The following CUL4A variants were observed in gnomAD, a reference collection of about 807,000 sequenced individuals.
CUL4A encodes cullin 4A.
In CUL4A, 16 loss-of-function variants were observed where a neutral mutation model predicts 95.5. The ratio of observed to expected loss-of-function variants is 0.17; its 90% CI spans 0.11 to 0.25. The LOEUF (loss-of-function observed/expected upper bound fraction) is 0.25. Ranked by LOEUF, CUL4A falls within the 10% of genes least tolerant of loss-of-function variation. The pLI, the probability that CUL4A is intolerant of heterozygous loss-of-function variation, is 1.00. For missense variants in CUL4A, 610 were observed against 937.0 expected (o/e 0.65, Z 4.56); for synonymous variants, 380 against 353.1 (o/e 1.08, Z -0.85).
At chr13:113,221,850 A>G (rs555282076) in intron 3 of CUL4A, among the ~76,000 whole-genome samples, 1 of 152,322 alleles carries the variant, frequency 6.6e-6, no homozygotes, top group Non-Finnish European at 1.5e-5. Context: ...TGCTGGGATT[A>G]CAGGCGTGAG....
rs868298186 is a variant in CUL4A at position 113,263,570 on chromosome 13, C to T, written c.2268C>T (p.His756=). The T allele has an allele frequency of 7.6e-6, 12 of 1,589,012 alleles. No individual in the cohort carries two copies. Among genetic ancestry groups the T allele is most frequent in the South Asian group, 5.7e-5 (5 of 87,706 alleles). Residue 756 remains histidine, a synonymous_variant, in exon 20 of 20, where the codon CAC becomes CAT. Coordinates refer to ENST00000375440, the MANE Select transcript of CUL4A (RefSeq NM_001008895.4). The part of the protein sequence containing the change: ...ERDKDNPNQY[H]YVA ...ACAAAGACAATCCGAATCAGTACCACTACGTGGCCTGACGCATCTGCAGAC... is the reference window on the plus strand; with the variant it reads ...ACAAAGACAATCCGAATCAGTACCATTACGTGGCCTGACGCATCTGCAGAC...
Position 113,220,457 on chromosome 13 carries a change from C to T in CUL4A, c.368+1409C>T, listed in dbSNP as rs78958760. ...TTATCTCAGGAGGCGCCTGTGAGGG[C>T]GCACAGAAGCAGGCCCCGCCCCAGT... On this transcript the variant is annotated intron_variant, in intron 3 of 19. Coordinates refer to ENST00000375440, the MANE Select transcript of CUL4A (RefSeq NM_001008895.4). Among the ~76,000 whole-genome samples, 49 of 152,318 alleles carry T rather than the reference C, an allele frequency of 3.2e-4. No individual in the cohort carries two copies. The East Asian group carries it at 8.1e-3, about 25-fold the overall frequency.
At chr13:113,208,633 A>C (rs372247269), upstream of CUL4A, 8 of 1,607,092 alleles carry the variant, frequency 5.0e-6, no homozygotes, top group Non-Finnish European at 6.8e-6. Context: ...AATGTGCGCC[A>C]TGGGAGCGCC....
Position 113,210,449 on chromosome 13 carries a change from TTTCTC to T in CUL4A, c.264+363_264+367del, listed in dbSNP as rs369394230. 6.4e-3 allele frequency among the ~76,000 whole-genome samples: 973 copies of T among 152,356 alleles called. 16 individuals are homozygous for T. The highest frequency in any genetic ancestry group is 0.022 in the African/African-American group (935 of 41,578). ...ACTTGCCACAGTAATAAGAGGGTCTTTTCTCTGTTGTGTTTTGTGATTAATGGTTG... is the reference window on the plus strand; with the variant it reads ...ACTTGCCACAGTAATAAGAGGGTCTTTGTTGTGTTTTGTGATTAATGGTTG... On this transcript the variant is annotated intron_variant, in intron 2 of 19. Transcript: ENST00000375440.
intron 4 of CUL4A, among the ~76,000 whole-genome samples, chr13:113,228,452 T>C (rs1418998424): frequency 6.6e-6 from 1 of 152,202 alleles, no homozygotes; most frequent in Non-Finnish European, 1.5e-5. Context: ...TGGCCGTTAA[T>C]TACTTAAGTG....
intron 3 of CUL4A, among the ~76,000 whole-genome samples, chr13:113,221,499 T>C (rs2040895642): frequency 6.6e-6 from 1 of 152,222 alleles, no homozygotes; most frequent in South Asian, 2.1e-4. Flanking sequence ...TAAACCCGAA[T>C]GGCGGTGGCA....
intron 15 of CUL4A, among the ~76,000 whole-genome samples, chr13:113,249,320 A>G (rs1055089842): frequency 1.3e-5 from 2 of 151,812 alleles, no homozygotes; most frequent in African/African-American, 4.8e-5. Flanking sequence ...ATGCTGTGCC[A>G]TACATCAGCG....
chr13:113,229,614 G>A, intron 5 of CUL4A, 95 bp downstream of exon 5: 1 of 984,260 alleles, frequency 1.0e-6, no homozygotes, highest in East Asian at 2.6e-5. Flanking sequence ...TAAAGTGTGT[G>A]TGATTACTTG....
intron 15 of CUL4A, among the ~76,000 whole-genome samples, chr13:113,249,330 G>A (rs2041934426): frequency 1.3e-5 from 2 of 150,128 alleles, no homozygotes; most frequent in Non-Finnish European, 2.9e-5. Context: ...ATACATCAGC[G>A]CTTTATTCCA....
chr13:113,242,098 T>G (rs2041730320), intron 10 of CUL4A, among the ~76,000 whole-genome samples: 1 of 152,030 alleles, frequency 6.6e-6, no homozygotes, highest in Non-Finnish European at 1.5e-5. Flanking sequence ...AGGCAGATCA[T>G]GAAGTCAAGA....
At chr13:113,240,187 C>T (rs2041667069) in intron 10 of CUL4A, among the ~76,000 whole-genome samples, 1 of 152,070 alleles carries the variant, frequency 6.6e-6, no homozygotes, top group African/African-American at 2.4e-5. Context: ...AGGGCACCAC[C>T]CCACCAAGGG....
chr13:113,217,164 T>C (rs2040724808), intron 2 of CUL4A, among the ~76,000 whole-genome samples: 1 of 152,310 alleles, frequency 6.6e-6, no homozygotes, highest in South Asian at 2.1e-4. Flanking sequence ...ATTTTCTTCA[T>C]GTGTTATATA....
chr13:113,235,829 G>A (rs1366583761), intron 8 of CUL4A, among the ~76,000 whole-genome samples: 1 of 152,126 alleles, frequency 6.6e-6, no homozygotes, highest in Non-Finnish European at 1.5e-5. Context: ...AAATTAGCCG[G>A]GCGTGGTGGC....
At chr13:113,211,295 G>A (rs564943993) in intron 2 of CUL4A, among the ~76,000 whole-genome samples, 1 of 152,354 alleles carries the variant, frequency 6.6e-6, no homozygotes, top group South Asian at 2.1e-4. Context: ...CAGTGTGATT[G>A]TAATTTATTA....
At chr13:113,226,649 C>G (rs541238582) in intron 3 of CUL4A, among the ~76,000 whole-genome samples, 20 of 152,172 alleles carry the variant, frequency 1.3e-4, no homozygotes, top group Non-Finnish European at 2.5e-4. Flanking sequence ...AAGAGTGTTC[C>G]TAATTTGGTG....
chr13:113,236,631 T>C (rs2041554243), intron 8 of CUL4A, among the ~76,000 whole-genome samples, 192 bp from the exon 9 acceptor site: 1 of 152,202 alleles, frequency 6.6e-6, no homozygotes, highest in Non-Finnish European at 1.5e-5. Context: ...TAGGTGGTTT[T>C]TAGAAAGGGC....
At chr13:113,238,375 CA>C (rs2041611601) in intron 9 of CUL4A, among the ~76,000 whole-genome samples, 1 of 151,276 alleles carries the variant, frequency 6.6e-6, no homozygotes, top group East Asian at 1.9e-4. Context: ...CACTTTGGCC[CA>C]GGGGGTTAAG....
intron 15 of CUL4A, among the ~76,000 whole-genome samples, chr13:113,248,913 G>A (rs912400965): frequency 6.6e-6 from 1 of 151,916 alleles, no homozygotes; most frequent in African/African-American, 2.4e-5. Context: ...TTTTGCTTTC[G>A]AATATTTTTG....
chr13:113,215,475 G>A (rs138336143), intron 2 of CUL4A, among the ~76,000 whole-genome samples: 48 of 149,454 alleles, frequency 3.2e-4, no homozygotes, highest in Admixed American at 1.1e-3. Flanking sequence ...TATGGAGGTC[G>A]CTATGTGACT....
Sources: allele counts gnomAD v4.1 joint callset (sites outside exome capture counted in the v4.1 genomes callset), GRCh38; gene constraint gnomAD v4.1.1; transcripts MANE v1.5; gene names NCBI Gene and HGNC (gene_info 2026-07-23, HGNC 2026-07-21).